The following ANKRD28 variants were observed in gnomAD, a reference collection of about 807,000 sequenced individuals.
The protein encoded by ANKRD28 is ankyrin repeat domain 28, also known as serine/threonine-protein phosphatase 6 regulatory ankyrin repeat subunit A.
A neutral mutation model predicts 126.5 loss-of-function variants in ANKRD28; 44 were observed. That is an observed-to-expected ratio of 0.35 (90% CI 0.27 to 0.45). The LOEUF is 0.45. Among genes scored for constraint, ANKRD28 ranks in the 20% least tolerant of loss-of-function variants. ANKRD28 has a pLI of 1.00. For missense variants in ANKRD28, 1,110 were observed against 1,316.6 expected (o/e 0.84, Z 2.43); for synonymous variants, 442 against 468.5 (o/e 0.94, Z 0.73).
intron 2 of ANKRD28, among the ~76,000 whole-genome samples, chr3:15,786,100 G>C (rs1326713316): frequency 6.6e-6 from 1 of 152,006 alleles, no homozygotes; most frequent in Non-Finnish European, 1.5e-5. Flanking sequence ...TATAATGCTG[G>C]ATACATGTCA....
intron 1 of ANKRD28, among the ~76,000 whole-genome samples, chr3:15,804,464 TGCTAG>T (rs2060534656): frequency 6.9e-6 from 1 of 145,902 alleles, no homozygotes; most frequent in Non-Finnish European, 1.5e-5. Flanking sequence ...ATCAATGGTC[TGCTAG>T]TTAGAACATT....
At chr3:15,769,708 C>T (rs1215333706) in intron 2 of ANKRD28, among the ~76,000 whole-genome samples, 2 of 152,162 alleles carry the variant, frequency 1.3e-5, no homozygotes, top group Admixed American at 1.3e-4. Flanking sequence ...CACAGTTTTG[C>T]TCCCATGATG....
upstream of ANKRD28, among the ~76,000 whole-genome samples, chr3:15,802,321 G>A (rs2060479188): frequency 6.6e-6 from 1 of 152,102 alleles, no homozygotes; most frequent in African/African-American, 2.4e-5. Context: ...GGGTCTTTGA[G>A]GACTTTGCCA....
At chr3:15,731,164 C>T (rs1209546510) in intron 6 of ANKRD28, among the ~76,000 whole-genome samples, 1 of 152,206 alleles carries the variant, frequency 6.6e-6, no homozygotes, top group Non-Finnish European at 1.5e-5. Flanking sequence ...TTTTCAACCT[C>T]AACTGAGATG....
chr3:15,708,858 G>A (rs2071833547), intron 13 of ANKRD28, among the ~76,000 whole-genome samples: 1 of 152,026 alleles, frequency 6.6e-6, no homozygotes, highest in Non-Finnish European at 1.5e-5. Flanking sequence ...CACATGCATT[G>A]ACATATATTC....
At position 15,797,898 on chromosome 3, in the gene ANKRD28, G is replaced by A; in HGVS notation, c.-1377C>T. 2.0e-6 allele frequency: 2 copies of A among 985,390 alleles called. No homozygotes were observed. The highest frequency in any genetic ancestry group is 2.4e-6 in the Non-Finnish European group (2 of 829,954). The allele number at this position is 985,390 out of a possible 1,614,324, so 61.0% of individuals were successfully genotyped here. Reference sequence around the variant, plus strand: ...AGTCCCACAGAAGCATTCCAACGGAGCAACAGTCTGAAGAGCAAAGACTGC... The same window carrying A: ...AGTCCCACAGAAGCATTCCAACGGAACAACAGTCTGAAGAGCAAAGACTGC... On this transcript the variant is annotated 5_prime_UTR_variant, in exon 1 of 28. Transcript: ENST00000683139.
chr3:15,808,932 C>A (rs1482998606), intron 1 of ANKRD28, among the ~76,000 whole-genome samples: 1 of 152,036 alleles, frequency 6.6e-6, no homozygotes, highest in Non-Finnish European at 1.5e-5. Context: ...AATATTTTTA[C>A]CTATTTTTCT....
chr3:15,810,988 C>T (rs573925204), intron 1 of ANKRD28, among the ~76,000 whole-genome samples: 1 of 152,280 alleles, frequency 6.6e-6, no homozygotes, highest in Non-Finnish European at 1.5e-5. Flanking sequence ...CTACAATCCC[C>T]TATAAATTCA....
intron 4 of ANKRD28, among the ~76,000 whole-genome samples, chr3:15,744,885 T>C (rs548294948): frequency 1.3e-5 from 2 of 152,198 alleles, no homozygotes; most frequent in Admixed American, 1.3e-4. Flanking sequence ...CCCTTTTCAT[T>C]GCATCCACAC....
At chr3:15,773,399 C>A (rs142937391) in intron 2 of ANKRD28, among the ~76,000 whole-genome samples, 32 of 152,056 alleles carry the variant, frequency 2.1e-4, no homozygotes, top group African/African-American at 7.2e-4. Flanking sequence ...CTAAGGTGGG[C>A]GGATCACCTG....
intron 2 of ANKRD28, among the ~76,000 whole-genome samples, chr3:15,767,685 A>C (rs1002051308): frequency 3.0e-5 from 4 of 134,548 alleles, no homozygotes; most frequent in African/African-American, 1.2e-4. Context: ...TAACACAATG[A>C]AACCTAGTCT....
In ANKRD28 at chr3:15,794,597, A is replaced by T. The variant is rs111429736; in HGVS notation, c.201+626T>A. On this transcript the variant is annotated intron_variant, in intron 2 of 27. Coordinates refer to ENST00000683139, the MANE Select transcript of ANKRD28 (RefSeq NM_001349278.2). ...TGGCCACTGAAAAAACATAACAGAG[A>T]GAGAAAATTATCCATATATCCACCT... 2.1e-3 allele frequency among the ~76,000 whole-genome samples: 317 copies of T among 152,242 alleles called. 2 individuals are homozygous for T. The highest frequency in any genetic ancestry group is 0.01 in the Middle Eastern group (3 of 294).
At chr3:15,685,979 G>C in intron 20 of ANKRD28, 23 bp downstream of exon 20, 1 of 1,589,994 alleles carries the variant, frequency 6.3e-7, no homozygotes. Context: ...CTTTTTGAAA[G>C]GAAAGAGCAT....
intron 2 of ANKRD28, among the ~76,000 whole-genome samples, chr3:15,778,111 T>C (rs1559515714): frequency 6.6e-6 from 1 of 152,178 alleles, no homozygotes; most frequent in Non-Finnish European, 1.5e-5. Context: ...TGGTATTACA[T>C]CAGCCTAATA....
intron 8 of ANKRD28, among the ~76,000 whole-genome samples, chr3:15,716,736 G>A (rs2073112112): frequency 6.6e-6 from 1 of 152,174 alleles, no homozygotes; most frequent in Non-Finnish European, 1.5e-5. Flanking sequence ...ACAAAATGAT[G>A]AAATTTGGAA....
Position 15,667,965 on chromosome 3 carries a change from C to CA in ANKRD28, c.*2304dup, listed in dbSNP as rs1175950034. 4 of 152,192 alleles carry CA rather than the reference C, an allele frequency of 2.6e-5. No individual in the cohort carries two copies. Among genetic ancestry groups the CA allele is most frequent in the Admixed American group, 2.0e-4 (3 of 15,270 alleles). The allele number at this position is 152,192 out of a possible 1,614,324, so 9.4% of individuals were successfully genotyped here. A position where few individuals can be genotyped will look rare whatever the true frequency, so the allele number is the denominator to read the frequency against. On this transcript the variant is annotated 3_prime_UTR_variant, in exon 28 of 28. Coordinates refer to ENST00000683139, the MANE Select transcript of ANKRD28 (RefSeq NM_001349278.2). Reference sequence around the variant, plus strand: ...CTGGAAATCACTTCAGCAGAGAAGTCAAACAGCCTGTAAAAGAGAAGACAT... The same window carrying CA: ...CTGGAAATCACTTCAGCAGAGAAGTCAAAACAGCCTGTAAAAGAGAAGACAT...
chr3:15,736,911 A>G, intron 5 of ANKRD28, 122 bp downstream of exon 5: 1 of 1,043,968 alleles, frequency 9.6e-7, no homozygotes, highest in South Asian at 1.6e-5. Flanking sequence ...AGGCAAAATT[A>G]GACAAAAATG....
At position 15,854,603 on chromosome 3, in the gene ANKRD28, T is replaced by C. The variant is rs547115699; in HGVS notation, c.27+4774A>G. Reference sequence around the variant, plus strand: ...TATGTTACATTTTCAATTAATATGCTCCACATGTTTTCCTTCAGCCTCTAT... The same window carrying C: ...TATGTTACATTTTCAATTAATATGCCCCACATGTTTTCCTTCAGCCTCTAT... On this transcript the variant is annotated intron_variant, in intron 1 of 27. Coordinates refer to the ANKRD28 transcript ENST00000399451. This position sits in a 1 kb window ranked among gnomAD's most constrained non-coding sequence, Gnocchi z 4.1. Among the ~76,000 whole-genome samples, 1 of 152,350 alleles carries C rather than the reference T, an allele frequency of 6.6e-6. No individual in the cohort carries two copies. Among genetic ancestry groups the C allele is most frequent in the East Asian group, 1.9e-4 (1 of 5,186 alleles).
At chr3:15,740,712 C>T (rs1039863371) in intron 4 of ANKRD28, among the ~76,000 whole-genome samples, 1 of 152,100 alleles carries the variant, frequency 6.6e-6, no homozygotes, top group Non-Finnish European at 1.5e-5. Context: ...ACTTATGTTC[C>T]ATTAGTAAAA....
Sources: gnomAD v4.1 joint callset for allele counts (sites outside exome capture counted in the v4.1 genomes callset) on GRCh38, gnomAD v4.1.1 for gene constraint, Gnocchi (gnomAD v3.1) non-coding constraint, MANE v1.5 for transcripts, NCBI Gene and HGNC (gene_info 2026-07-23, HGNC 2026-07-21) for gene names.